Variants in PTPRD observed in about 807,000 individuals in gnomAD.
PTPRD encodes the protein protein tyrosine phosphatase receptor type D.
A neutral mutation model predicts 214.5 loss-of-function variants in PTPRD; 34 were observed. That is an observed-to-expected ratio of 0.16 (90% CI 0.12 to 0.21). PTPRD has a LOEUF of 0.21. PTPRD is among the 10% of genes least tolerant of loss of function. PTPRD has a pLI of 1.00. For missense variants in PTPRD, 2,545 were observed against 2,398.7 expected, an observed-to-expected ratio of 1.06 and a Z score of -1.27; for synonymous variants, 1,128 against 845.7, an observed-to-expected ratio of 1.33 and a Z score of -5.79.
chr9:9,864,231 G>A (rs934548780), intron 5 of PTPRD, among the ~76,000 whole-genome samples: 3 of 152,042 alleles, frequency 2.0e-5, no homozygotes, highest in African/African-American at 4.8e-5. Context: ...GCTTGAACCC[G>A]GGAGGCGGAG....
chr9:10,232,544 A>T (rs1432846886), intron 3 of PTPRD, among the ~76,000 whole-genome samples: 2 of 152,008 alleles, frequency 1.3e-5, no homozygotes, highest in Non-Finnish European at 2.9e-5. Context: ...GGTTTGCAAA[A>T]TGTGCTTCCA....
chr9:9,018,242 T>G (rs1424557268), intron 11 of PTPRD, among the ~76,000 whole-genome samples: 3 of 152,270 alleles, frequency 2.0e-5, no homozygotes, highest in Non-Finnish European at 4.4e-5. Context: ...AACAGAATCA[T>G]GGTTCCACAC....
rs12684238 is a variant in PTPRD at position 10,546,902 on chromosome 9, T to C, written c.-600+65496A>G. On this transcript the variant is annotated intron_variant, in intron 2 of 45. Transcript: ENST00000381196. ...ACTAGTATATTAAGGATATTAGCCA[T>C]AGTTCTTGAAGCAAAATTTGACCAA... is the stretch of plus-strand genomic sequence containing the variant. 1.2e-4 allele frequency among the ~76,000 whole-genome samples: 19 copies of C among 152,216 alleles called. No individual in the cohort carries two copies. In the East Asian group the frequency reaches 3.7e-3, roughly 29 times the overall value.
intron 11 of PTPRD, among the ~76,000 whole-genome samples, chr9:8,940,280 C>CCTTTGTTTTTTTTTTTTT (rs763715400): frequency 3.4e-5 from 3 of 89,050 alleles, no homozygotes; most frequent in African/African-American, 4.4e-5. Flanking sequence ...TCTCTCTCTC[C>CCTTTGTTTTTTTTTTTTT]TTTTTTTTTT....
intron 9 of PTPRD, among the ~76,000 whole-genome samples, chr9:9,347,361 T>C (rs897275328): frequency 6.0e-5 from 9 of 150,878 alleles, no homozygotes; most frequent in African/African-American, 2.2e-4. Context: ...CATGCATACA[T>C]ATAAGTGTTT....
chr9:8,525,380 A>C lies in PTPRD; in HGVS notation c.569-345T>G, dbSNP rs539226373. Among the ~76,000 whole-genome samples the C allele has an allele frequency of 5.9e-5, 9 of 152,238 alleles. No individual in the cohort carries two copies. The South Asian group carries it at 1.5e-3, about 25-fold the overall frequency. ...GGCTTTTAAATAAAACAAAAGATTA[A>C]TTTTTGGTTTTGTTTTGTTTCATTT... On this transcript the variant is annotated intron_variant, in intron 17 of 45. Coordinates refer to ENST00000381196, the MANE Select transcript of PTPRD (RefSeq NM_002839.4).
chr9:9,749,083 C>T (rs1206008393), intron 6 of PTPRD, among the ~76,000 whole-genome samples: 1 of 152,126 alleles, frequency 6.6e-6, no homozygotes, highest in African/African-American at 2.4e-5. Flanking sequence ...GAACAATCCA[C>T]CTGATCTTCT....
chr9:10,122,045 C>T (rs768785296), intron 3 of PTPRD, among the ~76,000 whole-genome samples: 5 of 152,182 alleles, frequency 3.3e-5, no homozygotes, highest in African/African-American at 1.2e-4. Context: ...CGGTGGCTCA[C>T]GCCTGTAATC....
At chr9:8,644,160 G>C (rs367623126) in intron 12 of PTPRD, among the ~76,000 whole-genome samples, 1 of 152,136 alleles carries the variant, frequency 6.6e-6, no homozygotes, top group African/African-American at 2.4e-5. Context: ...CAGCTGCAGA[G>C]AGGAGCTACC....
At chr9:8,899,187 T>C (rs1355333967) in intron 11 of PTPRD, among the ~76,000 whole-genome samples, 1 of 152,160 alleles carries the variant, frequency 6.6e-6, no homozygotes. Context: ...TTGCATTTGC[T>C]ACAGAGGCCT....
intron 5 of PTPRD, among the ~76,000 whole-genome samples, chr9:9,820,774 T>C (rs938992118): frequency 6.6e-6 from 1 of 152,122 alleles, no homozygotes; most frequent in Non-Finnish European, 1.5e-5. Context: ...TCAGCTTCAT[T>C]GTATATCAGA....
chr9:8,757,659 TATATATACATAC>T (rs1198666929), intron 11 of PTPRD, among the ~76,000 whole-genome samples: 4 of 144,178 alleles, frequency 2.8e-5, no homozygotes, highest in Non-Finnish European at 4.5e-5. Flanking sequence ...TATATACATA[TATATATACATAC>T]ATATATATAT....
chr9:9,917,663 G>C (rs1206066654), intron 5 of PTPRD, among the ~76,000 whole-genome samples: 1 of 151,832 alleles, frequency 6.6e-6, no homozygotes, highest in African/African-American at 2.4e-5. Context: ...CAAGCCAATA[G>C]CCTGATGAAC....
intron 37 of PTPRD, among the ~76,000 whole-genome samples, chr9:8,384,052 C>G (rs577401236): frequency 6.6e-5 from 10 of 152,136 alleles, no homozygotes; most frequent in African/African-American, 2.4e-4. Flanking sequence ...GGTGAACACT[C>G]ACACACTAAA....
Position 8,928,499 on chromosome 9 carries a change from G to C in PTPRD, c.-104+90198C>G, listed in dbSNP as rs139336424. Among the ~76,000 whole-genome samples the C allele has an allele frequency of 3.2e-3, 480 of 152,112 alleles. 4 individuals carry two copies. Among genetic ancestry groups the C allele is most frequent in the African/African-American group, 0.011 (459 of 41,494 alleles). ...GCTTTTTTTGGTCAGGTTTGTCAAA[G>C]ATCAGATGGTTGTAGATGTGTGGCA... On this transcript the variant is annotated intron_variant, in intron 11 of 45. Transcript: ENST00000381196.
intron 4 of PTPRD, among the ~76,000 whole-genome samples, chr9:9,973,076 C>A (rs550672886): frequency 2.0e-5 from 3 of 152,136 alleles, no homozygotes; most frequent in African/African-American, 7.2e-5. Flanking sequence ...TCCAATAAGT[C>A]TAGAATTTAG....
chr9:9,787,511 C>T (rs2098934115), intron 5 of PTPRD, among the ~76,000 whole-genome samples: 1 of 149,698 alleles, frequency 6.7e-6, no homozygotes, highest in Non-Finnish European at 1.5e-5. Context: ...CACAGTTTAA[C>T]TAATATACTC....
intron 11 of PTPRD, among the ~76,000 whole-genome samples, chr9:9,012,737 C>T (rs1244246655): frequency 6.6e-6 from 1 of 152,132 alleles, no homozygotes; most frequent in African/African-American, 2.4e-5. Context: ...TTTTGCCATT[C>T]TGCCATCCAG....
intron 10 of PTPRD, among the ~76,000 whole-genome samples, chr9:9,057,665 C>T (rs1382928889): frequency 1.3e-5 from 2 of 152,008 alleles, no homozygotes; most frequent in Non-Finnish European, 2.9e-5. Context: ...GATATATGGC[C>T]ATTATCAAGT....
Sources: gnomAD v4.1 joint callset for allele counts (sites outside exome capture counted in the v4.1 genomes callset) on GRCh38, gnomAD v4.1.1 for gene constraint, MANE v1.5 for transcripts, NCBI Gene and HGNC (gene_info 2026-07-23, HGNC 2026-07-21) for gene names.